The following MTAP variants were observed in gnomAD, a reference collection of about 807,000 sequenced individuals.
MTAP encodes the protein S-methyl-5'-thioadenosine phosphorylase.
A neutral mutation model predicts 33.6 loss-of-function variants in MTAP; 33 were observed. The observed-to-expected ratio is 0.98, with a 90% CI of 0.74 to 1.31. MTAP has a LOEUF of 1.31. Among genes scored for constraint, MTAP ranks in the 40% most tolerant of loss-of-function variants. MTAP has a pLI of 0.00. For synonymous variants in MTAP, 148 were observed against 125.7 expected, an observed-to-expected ratio of 1.18 and a Z score of -1.19; for missense variants, 367 against 360.0, an observed-to-expected ratio of 1.02 and a Z score of -0.16.
chr9:21,833,966 C>T, intron 4 of MTAP, among the ~76,000 whole-genome samples: 1 of 152,180 alleles, frequency 6.6e-6, no homozygotes, highest in Non-Finnish European at 1.5e-5. Context: ...TGCCAGCACA[C>T]ATCATTTTGT....
intron 1 of MTAP, among the ~76,000 whole-genome samples, chr9:21,878,959 A>T (rs1395564662): frequency 6.6e-6 from 1 of 152,066 alleles, no homozygotes; most frequent in Non-Finnish European, 1.5e-5. Context: ...TTTGCTGAGG[A>T]TTGTTTTATG....
chr9:21,868,596 A>G (rs1204044790), downstream of MTAP, among the ~76,000 whole-genome samples: 1 of 152,110 alleles, frequency 6.6e-6, no homozygotes. Flanking sequence ...AACTCAACAA[A>G]TATTTGTGTA....
At chr9:21,900,364 A>C (rs1175501672) in intron 1 of MTAP, among the ~76,000 whole-genome samples, 1 of 152,244 alleles carries the variant, frequency 6.6e-6, no homozygotes, top group East Asian at 1.9e-4. Context: ...CGAAATGAAC[A>C]GACACTTTTC....
chr9:21,810,670 C>A lies in MTAP; in HGVS notation c.34-4763C>A, dbSNP rs867874174. ...TCAAACCATAACATGAGGTATACTG[C>A]ATTAGGGCCCATCCCAGTGACCTCA... On this transcript the variant is annotated intron_variant, in intron 1 of 7. Coordinates refer to ENST00000644715, the MANE Select transcript of MTAP (RefSeq NM_002451.4). Among the ~76,000 whole-genome samples, 4 of 152,318 alleles carry A rather than the reference C, an allele frequency of 2.6e-5. No homozygotes were observed. The Middle Eastern group carries it at 0.01, about 389-fold the overall frequency.
Position 21,922,585 on chromosome 9 carries a change from G to A in MTAP, c.148-8423G>A, listed in dbSNP as rs763669337. Among the ~76,000 whole-genome samples the A allele has an allele frequency of 6.6e-6, 1 of 152,288 alleles. No individual in the cohort carries two copies. ...TGCAGACCCATACAGATTCACTGCT[G>A]CTAACATACTTTGATGCCACATGGC... is the stretch of plus-strand genomic sequence containing the variant. On this transcript the variant is annotated intron_variant, in intron 1 of 1. Coordinates refer to the MTAP transcript ENST00000577563. The surrounding 1 kb of genome is among the most constrained non-coding windows in gnomAD (Gnocchi z 4.8).
chr9:21,835,215 C>T (rs1444982410), intron 4 of MTAP, among the ~76,000 whole-genome samples: 2 of 152,158 alleles, frequency 1.3e-5, no homozygotes, highest in South Asian at 2.1e-4. Flanking sequence ...TAATCACCTC[C>T]AAAAGGCTCC....
intron 1 of MTAP, among the ~76,000 whole-genome samples, chr9:21,883,345 C>T (rs1476191538): frequency 6.6e-6 from 1 of 152,028 alleles, no homozygotes; most frequent in Non-Finnish European, 1.5e-5. Context: ...CTCTACACCC[C>T]ATCAGTTGAA....
chr9:21,919,207 C>G (rs1462370421), intron 1 of MTAP, among the ~76,000 whole-genome samples: 1 of 152,106 alleles, frequency 6.6e-6, no homozygotes, highest in Non-Finnish European at 1.5e-5. Flanking sequence ...AAATTTTTAT[C>G]AGGGAAGATT....
intron 4 of MTAP, among the ~76,000 whole-genome samples, chr9:21,820,001 C>T (rs1489335220): frequency 6.6e-6 from 1 of 152,054 alleles, no homozygotes; most frequent in Non-Finnish European, 1.5e-5. Context: ...TGATTTTTTT[C>T]TTGTAACTTT....
chr9:21,884,668 T>C (rs1818079491), intron 1 of MTAP, among the ~76,000 whole-genome samples: 1 of 152,146 alleles, frequency 6.6e-6, no homozygotes, highest in African/African-American at 2.4e-5. Flanking sequence ...AACTCTAGTT[T>C]CTTTCTCTTC....
Position 21,818,112 on chromosome 9 carries a change from G to C in MTAP, c.257G>C (p.Cys86Ser), listed in dbSNP as rs1363796763. ...ATCTGGGCTTTGAAGGAAGAGGGCT[G>C]TACACATGTCATAGTGACCACAGCT... ...ANIWALKEEGCTHVIVTTACG... is the reference protein window; with the variant it reads ...ANIWALKEEGSTHVIVTTACG... The change falls in exon 4 of 8, where the codon TGT becomes TCT. Residue 86 changes from cysteine (C) to serine (S), a missense_variant. Physicochemically the swap from Cys to Ser is moderately radical, Grantham distance 112 (BLOSUM62 -1). Coordinates refer to ENST00000644715, the MANE Select transcript of MTAP (RefSeq NM_002451.4). The C allele has an allele frequency of 6.2e-7, 1 of 1,614,036 alleles. No homozygotes were observed.
At chr9:21,852,072 AAC>A (rs1293894472) in intron 5 of MTAP, among the ~76,000 whole-genome samples, 1 of 152,232 alleles carries the variant, frequency 6.6e-6, no homozygotes, top group Non-Finnish European at 1.5e-5. Flanking sequence ...CATAAAAAAG[AAC>A]AAAATGATGG....
intron 5 of MTAP, 59 bp from the exon 6 acceptor site, chr9:21,854,572 G>T: frequency 6.8e-7 from 1 of 1,470,478 alleles, no homozygotes; most frequent in Non-Finnish European, 9.0e-7. Flanking sequence ...GGGGGGAAGT[G>T]CAGCCTTAAG....
At chr9:21,933,904 G>A (rs1354842128), downstream of MTAP, 1 of 152,178 alleles carries the variant, frequency 6.6e-6, no homozygotes. Flanking sequence ...TACAAATTAA[G>A]TATTTTTTAA....
chr9:21,921,403 A>G (rs1175174497), intron 1 of MTAP, among the ~76,000 whole-genome samples: 1 of 151,732 alleles, frequency 6.6e-6, no homozygotes, highest in Non-Finnish European at 1.5e-5. Flanking sequence ...TTCTGCTCTG[A>G]TCTTTATTAT....
intron 1 of MTAP, among the ~76,000 whole-genome samples, chr9:21,905,197 G>A (rs1317849403): frequency 6.6e-6 from 1 of 152,154 alleles, no homozygotes; most frequent in Non-Finnish European, 1.5e-5. Flanking sequence ...CAGATCACAC[G>A]TGGGCTTGGA....
At chr9:21,841,149 T>C (rs1825233247) in intron 5 of MTAP, among the ~76,000 whole-genome samples, 1 of 152,194 alleles carries the variant, frequency 6.6e-6, no homozygotes, top group Admixed American at 6.5e-5. Context: ...CCCAACCTGA[T>C]GGTATTTCCC....
At chr9:21,859,196 G>A (rs193240476) in intron 6 of MTAP, 107 bp from the exon 7 acceptor site, 2 of 1,464,756 alleles carry the variant, frequency 1.4e-6, no homozygotes, top group Admixed American at 4.7e-5. Flanking sequence ...TAAATTTGAG[G>A]GGACACAAAC....
chr9:21,879,450 A>C (rs975217930), intron 1 of MTAP, among the ~76,000 whole-genome samples: 4 of 152,076 alleles, frequency 2.6e-5, no homozygotes, highest in Non-Finnish European at 4.4e-5. Flanking sequence ...GTGTCATTAC[A>C]TGTGAGATGG....
Sources: allele counts gnomAD v4.1 joint callset (sites outside exome capture counted in the v4.1 genomes callset), GRCh38; gene constraint gnomAD v4.1.1; non-coding constraint Gnocchi (gnomAD v3.1); transcripts MANE v1.5; gene names NCBI Gene and HGNC (gene_info 2026-07-23, HGNC 2026-07-21).